KIDINS220: variants seen among roughly 807,000 people sequenced by gnomAD.
The protein encoded by KIDINS220 is kinase D interacting substrate 220.
In KIDINS220, 63 loss-of-function variants were observed where a neutral mutation model predicts 157.6. The observed-to-expected ratio is 0.40, with a 90% CI of 0.33 to 0.49. KIDINS220 has a LOEUF of 0.49. Among genes scored for constraint, KIDINS220 ranks in the 20% least tolerant of loss-of-function variants. The pLI is 0.66. For missense variants in KIDINS220, 1,772 were observed against 2,171.2 expected (o/e 0.82, Z 3.65); for synonymous variants, 732 against 783.6 (o/e 0.93, Z 1.10).
chr2:8,730,985 G>A lies in KIDINS220; in HGVS notation c.5051C>T (p.Thr1684Ile), dbSNP rs1663992465. 1.2e-6 allele frequency: 2 copies of A among 1,614,204 alleles called. No individual in the cohort carries two copies. The highest frequency in any genetic ancestry group is 1.7e-6 in the Non-Finnish European group (2 of 1,180,042). ...YNLNRTPSTV[T>I]LNNNSAPANR... is the part of the protein sequence containing the mutation. ...GGCTGGAGCACTATTGTTGTTCAGAGTCACGGTGCTGGGAGTTCGGTTCAG... is the reference window on the plus strand; with the variant it reads ...GGCTGGAGCACTATTGTTGTTCAGAATCACGGTGCTGGGAGTTCGGTTCAG... Residue 1684 changes from threonine to isoleucine, a missense_variant, in exon 30 of 30, where the codon ACT becomes ATT. Physicochemically the swap from Thr to Ile is moderately conservative, Grantham distance 89. Around this residue, in one of 3 missense-constraint regions of KIDINS220, gnomAD observed 793 missense variants for 885.5 expected, o/e 0.90. Coordinates refer to ENST00000256707, the MANE Select transcript of KIDINS220 (RefSeq NM_020738.4).
chr2:8,747,795 C>T, intron 25 of KIDINS220, 92 bp downstream of exon 25: 1 of 638,656 alleles, frequency 1.6e-6, no homozygotes. Context: ...ATCAGTTGCA[C>T]TCTTTTACTA....
intron 1 of KIDINS220, among the ~76,000 whole-genome samples, chr2:8,833,296 T>A (rs1195309683): frequency 6.6e-6 from 1 of 152,190 alleles, no homozygotes; most frequent in Non-Finnish European, 1.5e-5. Flanking sequence ...AAATAATACC[T>A]AACCCATATG....
In KIDINS220 at chr2:8,747,199, T is replaced by G. The variant is rs377068133; in HGVS notation, c.3531A>C (p.Glu1177Asp). ...SLPRDQNNGL[E>D]VIKEDAAEGL... is the part of the protein sequence containing the mutation. ...CCTCAGCAGCATCCTCCTTGATAAC[T>G]TCCTAACAACACAAAACAGGAGAGT... Residue 1177 changes from glutamate to aspartate, a missense_variant and splice_region_variant, in exon 26 of 30, where the codon GAA (glutamate) becomes GAC (aspartate). Physicochemically the swap from Glu to Asp is conservative, Grantham distance 45 (BLOSUM62 2). Transcript: ENST00000256707. 4.3e-6 allele frequency: 7 copies of G among 1,614,044 alleles called. No homozygotes were observed. Among genetic ancestry groups the G allele is most frequent in the Non-Finnish European group, 5.9e-6 (7 of 1,179,974 alleles).
chr2:8,738,402 T>C (rs1344121954), intron 26 of KIDINS220, among the ~76,000 whole-genome samples: 4 of 152,216 alleles, frequency 2.6e-5, no homozygotes, highest in African/African-American at 4.8e-5. Context: ...CTCCAAGATA[T>C]TCACTAGTTA....
At chr2:8,777,003 G>C in intron 20 of KIDINS220, 111 bp from the exon 21 acceptor site, 2 of 1,159,742 alleles carry the variant, frequency 1.7e-6, no homozygotes, top group Non-Finnish European at 2.4e-6. Context: ...CAAAGTTTTA[G>C]TCAAAGAGGA....
chr2:8,755,942 G>T (rs1667959686), intron 22 of KIDINS220, among the ~76,000 whole-genome samples: 1 of 152,140 alleles, frequency 6.6e-6, no homozygotes, highest in Admixed American at 6.5e-5. Context: ...TCTTTTTCAA[G>T]GTTGCTTGGT....
intron 26 of KIDINS220, among the ~76,000 whole-genome samples, chr2:8,744,140 A>C (rs1666017495): frequency 6.9e-6 from 1 of 145,306 alleles, no homozygotes; most frequent in South Asian, 2.1e-4. Flanking sequence ...AATATGTTAT[A>C]TATTAATATA....
chr2:8,747,839 T>A, intron 25 of KIDINS220, 48 bp downstream of exon 25: 1 of 1,199,058 alleles, frequency 8.3e-7, no homozygotes, highest in Non-Finnish European at 1.2e-6. Flanking sequence ...AAATGCTATC[T>A]ATGTTTATTA....
intron 2 of KIDINS220, among the ~76,000 whole-genome samples, chr2:8,820,447 A>C (rs1185037957): frequency 1.3e-5 from 2 of 152,236 alleles, no homozygotes; most frequent in Non-Finnish European, 2.9e-5. Context: ...TCTATTAGGC[A>C]CAACATCCAA....
At chr2:8,722,979 G>T (rs534281018), downstream of KIDINS220, 1 of 152,202 alleles carries the variant, frequency 6.6e-6, no homozygotes, top group African/African-American at 2.4e-5. Context: ...GATTTTAACA[G>T]CCTTTCCTAT....
rs1663764151 is a variant in KIDINS220, at chr2:8,729,691, G to A, written c.*1029C>T. On this transcript the variant is annotated 3_prime_UTR_variant, in exon 30 of 30. Transcript: ENST00000256707. ...TCCCCAGAACTAACATGCTGACTTA[G>A]GAACAGATGAAGTAGATAAAGTCTA... is the stretch of plus-strand genomic sequence containing the variant. 1 of 984,914 alleles carries A rather than the reference G, an allele frequency of 1.0e-6. No homozygotes were observed. The highest frequency in any genetic ancestry group is 1.7e-5 in the African/African-American group (1 of 57,274). The allele number at this position is 984,914 out of a possible 1,614,324, so 61.0% of individuals were successfully genotyped here. A position where few individuals can be genotyped will look rare whatever the true frequency, so the allele number is the denominator to read the frequency against.
intron 13 of KIDINS220, 150 bp downstream of exon 13, chr2:8,790,910 G>A (rs1390828879): frequency 2.4e-5 from 13 of 548,040 alleles, no homozygotes; most frequent in Middle Eastern, 3.2e-4. Context: ...TCAAATGACC[G>A]TGTGAAGGAC....
At chr2:8,757,896 CT>C in intron 22 of KIDINS220, 1 of 984,348 alleles carries the variant, frequency 1.0e-6, no homozygotes, top group Admixed American at 2.0e-5. Context: ...GAGTTTCACT[CT>C]TGTTGCCCAG....
intron 4 of KIDINS220, among the ~76,000 whole-genome samples, chr2:8,814,089 C>T (rs1414277533): frequency 6.6e-6 from 1 of 152,166 alleles, no homozygotes; most frequent in African/African-American, 2.4e-5. Flanking sequence ...CATTTTAGTA[C>T]CTCTTGCTAA....
chr2:8,737,052 T>A, intron 26 of KIDINS220, 53 bp from the exon 27 acceptor site: 1 of 1,574,688 alleles, frequency 6.4e-7, no homozygotes, highest in Non-Finnish European at 8.7e-7. Flanking sequence ...ATGCCATCTA[T>A]AATGAGGTCA....
intron 26 of KIDINS220, among the ~76,000 whole-genome samples, chr2:8,739,523 T>C (rs1399075446): frequency 2.0e-5 from 3 of 152,048 alleles, no homozygotes; most frequent in Admixed American, 1.3e-4. Context: ...ACCAAAATAA[T>C]AATTTGGGGG....
chr2:8,816,240 A>G (rs919157447), intron 4 of KIDINS220, among the ~76,000 whole-genome samples: 1 of 152,252 alleles, frequency 6.6e-6, no homozygotes, highest in Non-Finnish European at 1.5e-5. Context: ...TTCATAACGT[A>G]TATTTTATTG....
chr2:8,794,032 A>G (rs1408132144), intron 11 of KIDINS220, 45 bp from the exon 12 acceptor site: 1 of 1,431,384 alleles, frequency 7.0e-7, no homozygotes, highest in African/African-American at 1.4e-5. Flanking sequence ...ATCTTTATAT[A>G]TAGTATGCAG....
At position 8,750,283 on chromosome 2, in the gene KIDINS220, C is replaced by CG; in HGVS notation, c.3242dup (p.Leu1082AlafsTer5). On this transcript the variant is annotated frameshift_variant, in exon 24 of 30. Transcript: ENST00000256707. LOFTEE classifies it high-confidence loss of function. ...TAGGAGGACCCTCATGTAGAGGGAG[C>CG]GGGGGGTACGCCAGTCCTCCAATAC... The CG allele has an allele frequency of 6.2e-7, 1 of 1,612,942 alleles. No individual in the cohort carries two copies. The highest frequency in any genetic ancestry group is 8.5e-7 in the Non-Finnish European group (1 of 1,179,458).
Sources: allele counts gnomAD v4.1 joint callset (sites outside exome capture counted in the v4.1 genomes callset), GRCh38; gene constraint gnomAD v4.1.1; regional missense constraint gnomAD v4.1.1; transcripts MANE v1.5; gene names NCBI Gene and HGNC (gene_info 2026-07-23, HGNC 2026-07-21).